GABRG2: variants seen among roughly 807,000 people sequenced by gnomAD.
GABRG2 encodes the protein gamma-aminobutyric acid receptor subunit gamma-2.
Under a neutral mutation model 56.4 loss-of-function variants are expected in GABRG2, and 16 were observed. The observed-to-expected ratio is 0.28, with a 90% CI of 0.19 to 0.43. GABRG2 has a LOEUF of 0.43. Among genes scored for constraint, GABRG2 ranks in the 20% least tolerant of loss-of-function variants. The pLI is 1.00. For missense variants in GABRG2, 327 were observed against 582.7 expected, an observed-to-expected ratio of 0.56 and a Z score of 4.52; for synonymous variants, 208 against 205.5, an observed-to-expected ratio of 1.01 and a Z score of -0.10.
chr5:162,112,454 C>G (rs559839748), intron 6 of GABRG2, among the ~76,000 whole-genome samples: 59 of 151,888 alleles, frequency 3.9e-4, no homozygotes, highest in African/African-American at 1.3e-3. Context: ...GAAGACTGAG[C>G]CTTCAGAGAT....
intron 4 of GABRG2, 75 bp downstream of exon 4, chr5:162,097,933 T>C: frequency 8.0e-7 from 1 of 1,243,282 alleles, no homozygotes; most frequent in Admixed American, 2.0e-5. Context: ...CTTAAGTCTC[T>C]AAAAGAAAAA....
chr5:162,121,223 C>T (rs541582528), intron 6 of GABRG2, among the ~76,000 whole-genome samples: 5 of 151,998 alleles, frequency 3.3e-5, no homozygotes, highest in Non-Finnish European at 7.4e-5. Flanking sequence ...TGTTTCTGTC[C>T]AAACCTGTTA....
intron 6 of GABRG2, among the ~76,000 whole-genome samples, chr5:162,109,389 AATATATAT>A (rs535370579): frequency 0.48 from 55,244 of 116,196 alleles, 13,198 homozygotes; most frequent in South Asian, 0.63. Flanking sequence ...CTTAAAGTAT[AATATATAT>A]ATATATATAT....
intron 1 of GABRG2, among the ~76,000 whole-genome samples, chr5:162,090,490 G>A (rs1349821058): frequency 1.3e-5 from 2 of 152,068 alleles, no homozygotes; most frequent in African/African-American, 4.8e-5. Context: ...GGGTCCCAGA[G>A]CTCTGCATTT....
In GABRG2 at chr5:162,153,509, A is replaced by G. The variant is rs963601834; in HGVS notation, c.*141A>G. 6.6e-6 allele frequency: 7 copies of G among 1,057,382 alleles called. No individual in the cohort carries two copies. The African/African-American group carries it at 9.4e-5, about 14-fold the overall frequency. 65.5% of individuals were successfully genotyped at this position (1,057,382 alleles called of 1,614,324 possible). Reference sequence around the variant, plus strand: ...TATGTCCAAACCTGGTAAATTTTATAATGTCATATTGTTTGTGCCCAGCCC... The same window carrying G: ...TATGTCCAAACCTGGTAAATTTTATGATGTCATATTGTTTGTGCCCAGCCC... On this transcript the variant is annotated 3_prime_UTR_variant, in exon 10 of 10. Transcript: ENST00000639213.
At chr5:162,105,746 C>G (rs1049881356) in intron 6 of GABRG2, among the ~76,000 whole-genome samples, 2 of 151,446 alleles carry the variant, frequency 1.3e-5, no homozygotes, top group African/African-American at 4.9e-5. Flanking sequence ...AATCTTTCAT[C>G]TGGTTCAAAA....
intron 6 of GABRG2, among the ~76,000 whole-genome samples, chr5:162,110,451 C>T (rs899610972): frequency 6.6e-6 from 1 of 152,034 alleles, no homozygotes; most frequent in Non-Finnish European, 1.5e-5. Context: ...GAATAAAATG[C>T]TTCCTGAAAT....
In GABRG2 at chr5:162,088,219, G is replaced by A. The variant is rs190766864; in HGVS notation, c.108-5609G>A. 9.0e-4 allele frequency among the ~76,000 whole-genome samples: 137 copies of A among 152,158 alleles called. 2 individuals carry two copies. The highest frequency in any genetic ancestry group is 5.4e-3 in the Admixed American group (83 of 15,256). ...TCTCTAAAGAGTAGCCAGTCCTCCT[G>A]GATAGTACTGAGTGGAGTCCCCCTT... On this transcript the variant is annotated intron_variant, in intron 1 of 9. Coordinates refer to ENST00000639213, the MANE Select transcript of GABRG2 (RefSeq NM_198904.4).
At chr5:162,087,930 A>T (rs953706484) in intron 1 of GABRG2, among the ~76,000 whole-genome samples, 11 of 152,164 alleles carry the variant, frequency 7.2e-5, no homozygotes, top group African/African-American at 2.7e-4. Context: ...TATCAAAAAA[A>T]ATTAAACAGG....
chr5:162,097,876 G>C lies in GABRG2; in HGVS notation c.548+18G>C. 6.3e-7 allele frequency: 1 copy of C among 1,584,932 alleles called. No individual in the cohort carries two copies. The highest frequency in any genetic ancestry group is 8.7e-7 in the Non-Finnish European group (1 of 1,154,244). ...ACCCTAAGGTATTCTTTTGCAAAAG[G>C]AAAGGAGTAATTGTTAGGAAGAAAA... On this transcript the variant is annotated intron_variant, in intron 4 of 9. Transcript: ENST00000639213.
chr5:162,151,972 C>A, intron 9 of GABRG2: 1 of 447,990 alleles, frequency 2.2e-6, no homozygotes, highest in Non-Finnish European at 3.9e-6. Flanking sequence ...GCTATAATCC[C>A]TGTGAGATGT....
At chr5:162,074,552 T>TA (rs1241516281) in intron 1 of GABRG2, among the ~76,000 whole-genome samples, 1 of 152,082 alleles carries the variant, frequency 6.6e-6, no homozygotes, top group East Asian at 1.9e-4. Flanking sequence ...TTTATATAAA[T>TA]AAAATGGCAA....
intron 7 of GABRG2, among the ~76,000 whole-genome samples, chr5:162,146,090 A>C (rs1764929672): frequency 6.6e-6 from 1 of 152,034 alleles, no homozygotes; most frequent in Non-Finnish European, 1.5e-5. Context: ...CACCACTCCC[A>C]GTTTGTAGAT....
At chr5:162,149,470 C>T (rs1203672009) in intron 8 of GABRG2, 157 bp downstream of exon 8, 4 of 745,680 alleles carry the variant, frequency 5.4e-6, no homozygotes, top group Non-Finnish European at 9.5e-6. Context: ...CATTTACAGT[C>T]ATTAGTTACT....
chr5:162,130,381 A>T (rs920618696), intron 6 of GABRG2, among the ~76,000 whole-genome samples: 1 of 151,596 alleles, frequency 6.6e-6, no homozygotes, highest in African/African-American at 2.4e-5. Context: ...TTGAACAATT[A>T]TTTTTTTTCT....
At chr5:162,151,545 C>T in intron 8 of GABRG2, 185 bp from the exon 9 acceptor site, 4 of 545,066 alleles carry the variant, frequency 7.3e-6, no homozygotes, top group Non-Finnish European at 1.3e-5. Flanking sequence ...TTACACTTAA[C>T]TTTAAGCAAA....
At position 162,155,400 on chromosome 5, in the gene GABRG2, A is replaced by C. The variant is rs1008209116; in HGVS notation, c.*2032A>C. 1 of 152,396 alleles carries C rather than the reference A, an allele frequency of 6.6e-6. No individual in the cohort carries two copies. The highest frequency in any genetic ancestry group is 2.4e-5 in the African/African-American group (1 of 41,404). The allele number at this position is 152,396 out of a possible 1,614,324, so 9.4% of individuals were successfully genotyped here. On this transcript the variant is annotated 3_prime_UTR_variant, in exon 10 of 10. Coordinates refer to ENST00000639213, the MANE Select transcript of GABRG2 (RefSeq NM_198904.4). ...ATGTGTGCATAGTATTGGCAATATG[A>C]ATATATATTATATATAATCTAATAC...
chr5:162,067,759 A>C (rs886060377), upstream of GABRG2: 10 of 610,030 alleles, frequency 1.6e-5, no homozygotes, highest in South Asian at 1.8e-4. Flanking sequence ...ACTCCCCCAG[A>C]CTTGGAAGCC....
intron 6 of GABRG2, among the ~76,000 whole-genome samples, chr5:162,123,182 G>A (rs569154997): frequency 1.3e-5 from 2 of 151,316 alleles, no homozygotes; most frequent in South Asian, 2.1e-4. Context: ...AAAAAAGAAG[G>A]GATAGATATT....
Sources: gnomAD v4.1 joint callset for allele counts (sites outside exome capture counted in the v4.1 genomes callset) on GRCh38, gnomAD v4.1.1 for gene constraint, MANE v1.5 for transcripts, NCBI Gene and HGNC (gene_info 2026-07-23, HGNC 2026-07-21) for gene names.